The following GRIA4 variants were observed in gnomAD, a reference collection of about 807,000 sequenced individuals.
GRIA4 encodes glutamate receptor 4.
Under a neutral mutation model 104.0 loss-of-function variants are expected in GRIA4, and 34 were observed. The observed-to-expected ratio is 0.33, with a 90% confidence interval of 0.25 to 0.44. The LOEUF (loss-of-function observed/expected upper bound fraction) is 0.44. Among genes scored for constraint, GRIA4 ranks in the 20% least tolerant of loss-of-function variants. The pLI, the probability that GRIA4 is intolerant of heterozygous loss-of-function variation, is 1.00. For synonymous variants in GRIA4, 386 were observed against 381.9 expected, an observed-to-expected ratio of 1.01 and a Z score of -0.13; for missense variants, 750 against 1,096.5, an observed-to-expected ratio of 0.68 and a Z score of 4.46.
chr11:105,693,243 T>G (rs1263915360), intron 3 of GRIA4, among the ~76,000 whole-genome samples: 2 of 152,194 alleles, frequency 1.3e-5, no homozygotes, highest in African/African-American at 4.8e-5. Flanking sequence ...TAATTGTGCA[T>G]GTTATGAAAT....
intron 4 of GRIA4, among the ~76,000 whole-genome samples, chr11:105,776,308 A>G (rs1941448366): frequency 6.6e-6 from 1 of 152,164 alleles, no homozygotes; most frequent in African/African-American, 2.4e-5. Flanking sequence ...AATATGCAAC[A>G]TCTGTATTTT....
chr11:105,944,988 C>T (rs1006914097), intron 14 of GRIA4, among the ~76,000 whole-genome samples: 2 of 152,096 alleles, frequency 1.3e-5, no homozygotes, highest in Admixed American at 6.6e-5. Context: ...TTTATTTTCA[C>T]AATAATTATT....
chr11:105,865,397 A>G (rs973221635), intron 5 of GRIA4, among the ~76,000 whole-genome samples: 4 of 152,218 alleles, frequency 2.6e-5, no homozygotes, highest in African/African-American at 9.6e-5. Flanking sequence ...AAAGAAATCT[A>G]AAATGAGAAG....
chr11:105,817,802 A>T (rs1943438605), intron 4 of GRIA4, among the ~76,000 whole-genome samples: 1 of 152,124 alleles, frequency 6.6e-6, no homozygotes, highest in Admixed American at 6.5e-5. Context: ...TCTAGTAGTG[A>T]AGATCAGTGT....
intron 9 of GRIA4, among the ~76,000 whole-genome samples, chr11:105,906,719 G>C (rs1346008368): frequency 2.6e-5 from 4 of 152,084 alleles, no homozygotes; most frequent in Admixed American, 6.6e-5. Flanking sequence ...GATGGCAGCC[G>C]GGGGGCCCAG....
At chr11:105,979,269 C>T (rs1859152231) in intron 16 of GRIA4, among the ~76,000 whole-genome samples, 1 of 152,148 alleles carries the variant, frequency 6.6e-6, no homozygotes, top group Non-Finnish European at 1.5e-5. Flanking sequence ...TCCAGAAGTA[C>T]TAAGATATAC....
intron 3 of GRIA4, among the ~76,000 whole-genome samples, chr11:105,645,795 C>T (rs187373744): frequency 1.3e-4 from 20 of 152,060 alleles, no homozygotes; most frequent in African/African-American, 3.9e-4. Context: ...TAGTGTTGAT[C>T]GAACATAGAA....
intron 3 of GRIA4, among the ~76,000 whole-genome samples, chr11:105,746,043 A>G (rs1401264123): frequency 6.6e-6 from 1 of 152,112 alleles, no homozygotes; most frequent in African/African-American, 2.4e-5. Context: ...AATTATTGCT[A>G]TAATTATAAT....
intron 14 of GRIA4, among the ~76,000 whole-genome samples, chr11:105,960,178 A>T (rs1164169294): frequency 6.6e-6 from 1 of 152,198 alleles, no homozygotes; most frequent in Admixed American, 6.5e-5. Context: ...AGACCCACCC[A>T]TGTGAGCTGC....
chr11:105,904,128 C>A, intron 8 of GRIA4, 147 bp downstream of exon 8: 1 of 612,902 alleles, frequency 1.6e-6, no homozygotes, highest in African/African-American at 1.9e-5. Context: ...AACATTTCTA[C>A]ATAAAATACA....
intron 4 of GRIA4, among the ~76,000 whole-genome samples, chr11:105,755,498 G>A (rs1009395502): frequency 2.0e-5 from 3 of 152,118 alleles, no homozygotes; most frequent in Non-Finnish European, 4.4e-5. Flanking sequence ...GGAACCTAGA[G>A]TAATGAGTAG....
intron 4 of GRIA4, among the ~76,000 whole-genome samples, chr11:105,844,438 T>C (rs895586220): frequency 6.6e-6 from 1 of 152,240 alleles, no homozygotes; most frequent in Non-Finnish European, 1.5e-5. Flanking sequence ...GTGAGAGCTA[T>C]ATTTTACAGC....
chr11:105,872,479 C>T (rs982845552), intron 5 of GRIA4, among the ~76,000 whole-genome samples: 1 of 152,086 alleles, frequency 6.6e-6, no homozygotes, highest in African/African-American at 2.4e-5. Context: ...ATCCTGTGAA[C>T]AAAATCTTCA....
intron 3 of GRIA4, among the ~76,000 whole-genome samples, chr11:105,746,778 A>C (rs1939685593): frequency 6.6e-6 from 1 of 152,192 alleles, no homozygotes; most frequent in South Asian, 2.1e-4. Flanking sequence ...TCAAAGGGAC[A>C]GAACTAAGAA....
chr11:105,948,524 T>C (rs935154926), intron 14 of GRIA4, among the ~76,000 whole-genome samples: 1 of 151,328 alleles, frequency 6.6e-6, no homozygotes. Flanking sequence ...ATAAATTATA[T>C]TATTCTAAGA....
chr11:105,859,393 T>C (rs1218498746), intron 4 of GRIA4, among the ~76,000 whole-genome samples: 1 of 152,158 alleles, frequency 6.6e-6, no homozygotes, highest in Non-Finnish European at 1.5e-5. Flanking sequence ...TGTCCTAGGG[T>C]TCTGTCTGAT....
rs139498448 is a variant in GRIA4 at position 105,978,922 on chromosome 11, C to G, written c.2545-653C>G. On this transcript the variant is annotated intron_variant, in intron 16 of 16. Transcript: ENST00000282499. ...ATATGGGAGGTTCCCCAGTCATGAC[C>G]ATTCAGTAGGCTTTGAAACATATCC... Among the ~76,000 whole-genome samples the G allele has an allele frequency of 4.2e-3, 642 of 152,264 alleles. 1 individual carries two copies. The highest frequency in any genetic ancestry group is 7.6e-3 in the Non-Finnish European group (519 of 68,004).
Position 105,675,321 on chromosome 11 carries a change from TC to T in GRIA4, c.247+62888del, listed in dbSNP as rs539560610. Reference sequence around the variant, plus strand: ...TGATCCAGTTAATTTGGAACTGAAATCTTCTGCACATTTTGAATTTCATCAA... The same window carrying T: ...TGATCCAGTTAATTTGGAACTGAAATTTCTGCACATTTTGAATTTCATCAA... On this transcript the variant is annotated intron_variant, in intron 3 of 16. Transcript: ENST00000282499. Among the ~76,000 whole-genome samples the T allele has an allele frequency of 2.2e-3, 328 of 151,940 alleles. 1 individual carries two copies. Among genetic ancestry groups the T allele is most frequent in the African/African-American group, 7.6e-3 (315 of 41,538 alleles).
intron 4 of GRIA4, among the ~76,000 whole-genome samples, chr11:105,840,677 A>G (rs1329380687): frequency 6.6e-6 from 1 of 152,200 alleles, no homozygotes; most frequent in Admixed American, 6.5e-5. Context: ...AGAGGCTCTC[A>G]AACAATTTCA....
Sources: allele counts gnomAD v4.1 joint callset (sites outside exome capture counted in the v4.1 genomes callset), GRCh38; gene constraint gnomAD v4.1.1; transcripts MANE v1.5; gene names NCBI Gene and HGNC (gene_info 2026-07-23, HGNC 2026-07-21).